Variants in TMEM267 observed in about 807,000 individuals in gnomAD.
TMEM267 encodes the protein transmembrane protein C5orf28.
In TMEM267, 20 loss-of-function variants were observed where a neutral mutation model predicts 19.3. The observed-to-expected ratio is 1.04, with a 90% CI of 0.73 to 1.51. The LOEUF (loss-of-function observed/expected upper bound fraction) is 1.51. Ranked by LOEUF, TMEM267 falls within the 40% of genes most tolerant of loss-of-function variation. The pLI, the probability that TMEM267 is intolerant of heterozygous loss-of-function variation, is 0.00. For synonymous variants in TMEM267, 88 were observed against 90.3 expected (o/e 0.97, Z 0.15); for missense variants, 242 against 261.9 (o/e 0.92, Z 0.52).
chr5:43,458,618 A>G (rs1743086489), intron 1 of TMEM267, among the ~76,000 whole-genome samples: 1 of 152,240 alleles, frequency 6.6e-6, no homozygotes, highest in South Asian at 2.1e-4. Flanking sequence ...ACAGTTTCAT[A>G]CATATGTCAA....
Position 43,453,769 on chromosome 5 carries a change from T to C in TMEM267, c.201A>G (p.Val67=), listed in dbSNP as rs1279593714. 2.5e-6 allele frequency: 4 copies of C among 1,614,108 alleles called. No individual in the cohort carries two copies. Among genetic ancestry groups the C allele is most frequent in the African/African-American group, 2.7e-5 (2 of 75,068 alleles). The change falls in exon 2 of 3, where the codon GTA becomes GTG. Residue 67 remains valine, a synonymous_variant. Coordinates refer to ENST00000397080, the MANE Select transcript of TMEM267 (RefSeq NM_022483.5). ...HCVIGMWSWA[V]VTGIKKKTDF... ...CAGTCTTCTTCTTGATTCCAGTGAC[T>C]ACCGCCCATGACCACATGCCAATTA...
intron 1 of TMEM267, among the ~76,000 whole-genome samples, chr5:43,465,001 C>T (rs1743552312): frequency 6.6e-6 from 1 of 152,122 alleles, no homozygotes; most frequent in Non-Finnish European, 1.5e-5. Flanking sequence ...AAAGAAACTA[C>T]CATCAGAGTG....
chr5:43,462,384 C>T (rs1743322812), intron 1 of TMEM267, among the ~76,000 whole-genome samples: 1 of 152,132 alleles, frequency 6.6e-6, no homozygotes, highest in South Asian at 2.1e-4. Context: ...CACTGAAGAA[C>T]ATCTACTAGC....
At chr5:43,482,704 C>G (rs1218130504) in intron 1 of TMEM267, among the ~76,000 whole-genome samples, 1 of 152,204 alleles carries the variant, frequency 6.6e-6, no homozygotes, top group East Asian at 1.9e-4. Flanking sequence ...CTATGACTCG[C>G]AGAAGCCATT....
intron 1 of TMEM267, among the ~76,000 whole-genome samples, chr5:43,474,169 A>G (rs1744258758): frequency 6.6e-6 from 1 of 152,234 alleles, no homozygotes; most frequent in African/African-American, 2.4e-5. Flanking sequence ...ACCCAAGAAG[A>G]AAACCTAGGC....
chr5:43,483,546 G>A (rs558169363), intron 1 of TMEM267, among the ~76,000 whole-genome samples: 1 of 152,278 alleles, frequency 6.6e-6, no homozygotes, highest in African/African-American at 2.4e-5. Flanking sequence ...TGGGGTTCTA[G>A]GGATCTAGAA....
intron 1 of TMEM267, among the ~76,000 whole-genome samples, chr5:43,459,085 G>T (rs1414127126): frequency 6.6e-6 from 1 of 152,020 alleles, no homozygotes; most frequent in African/African-American, 2.4e-5. Context: ...AACATTTACA[G>T]AACTCTGAGA....
chr5:43,454,886 A>AAT (rs1237363377), intron 1 of TMEM267, among the ~76,000 whole-genome samples: 1 of 152,214 alleles, frequency 6.6e-6, no homozygotes, highest in Non-Finnish European at 1.5e-5. Context: ...CTAGCTAGAA[A>AAT]ATATTTGTCT....
In TMEM267 at chr5:43,453,897, C is replaced by G; in HGVS notation, c.73G>C (p.Gly25Arg). The change falls in exon 2 of 3, where the codon GGT (glycine) becomes CGT (arginine). Residue 25 changes from glycine (G) to arginine (R), a missense_variant. Gly to Arg is a moderately radical substitution (Grantham distance 125, BLOSUM62 -2). Transcript: ENST00000397080. The stretch of plus-strand genomic sequence containing the variant: ...GCTACGAGGCAAAATGCCCCCAGAC[C>G]AAGGCTGGAAATAAGAGATTCAGTG... ...CSTESLISSL[G>R]LGAFCLVADR... 6.2e-7 allele frequency: 1 copy of G among 1,614,032 alleles called. No individual in the cohort carries two copies. Among genetic ancestry groups the G allele is most frequent in the Non-Finnish European group, 8.5e-7 (1 of 1,179,984 alleles).
chr5:43,478,024 T>C (rs1264414569), intron 1 of TMEM267, among the ~76,000 whole-genome samples: 1 of 152,218 alleles, frequency 6.6e-6, no homozygotes, highest in Admixed American at 6.5e-5. Context: ...GACACCATCA[T>C]AAGTAAAGGA....
chr5:43,455,136 A>G (rs1561187301), intron 1 of TMEM267, among the ~76,000 whole-genome samples: 1 of 152,192 alleles, frequency 6.6e-6, no homozygotes, highest in Non-Finnish European at 1.5e-5. Flanking sequence ...TTATAAAGCT[A>G]CAGTAGGCTG....
chr5:43,451,135 G>A (rs1252076796), intron 2 of TMEM267, among the ~76,000 whole-genome samples: 15 of 152,028 alleles, frequency 9.9e-5, no homozygotes, highest in Admixed American at 9.2e-4. Flanking sequence ...CCCATTTACT[G>A]TTAATATTTA....
At chr5:43,467,171 A>G (rs1256396422) in intron 1 of TMEM267, among the ~76,000 whole-genome samples, 2 of 150,340 alleles carry the variant, frequency 1.3e-5, no homozygotes, top group Non-Finnish European at 1.5e-5. Context: ...AAAAAAAAGA[A>G]GGAAGAAAAG....
intron 1 of TMEM267, among the ~76,000 whole-genome samples, chr5:43,467,899 T>A (rs1007451318): frequency 2.0e-5 from 3 of 152,088 alleles, no homozygotes; most frequent in African/African-American, 7.2e-5. Context: ...CTGGAAGCCC[T>A]CAGTTGGGGG....
chr5:43,478,873 G>A (rs1454203778), intron 1 of TMEM267, among the ~76,000 whole-genome samples: 1 of 152,074 alleles, frequency 6.6e-6, no homozygotes, highest in East Asian at 1.9e-4. Context: ...GTAGGAGTAG[G>A]GAAATAATGA....
At chr5:43,448,782 C>T (rs1029832043) in intron 2 of TMEM267, among the ~76,000 whole-genome samples, 1 of 148,770 alleles carries the variant, frequency 6.7e-6, no homozygotes, top group Non-Finnish European at 1.5e-5. Context: ...GTCTAAAAAA[C>T]AACCCCCCCC....
At chr5:43,470,307 C>T (rs10473314) in intron 1 of TMEM267, among the ~76,000 whole-genome samples, 1,892 of 152,144 alleles carry the variant, frequency 0.012, 39 homozygotes, top group African/African-American at 0.039. Flanking sequence ...CATACCCAAA[C>T]AATTTTTGTA....
At chr5:43,451,505 A>G (rs942456935) in intron 2 of TMEM267, among the ~76,000 whole-genome samples, 4 of 152,164 alleles carry the variant, frequency 2.6e-5, no homozygotes, top group African/African-American at 9.7e-5. Flanking sequence ...AAAATGCTCC[A>G]TATCACTAAT....
At chr5:43,478,008 G>T (rs1744529840) in intron 1 of TMEM267, among the ~76,000 whole-genome samples, 1 of 152,142 alleles carries the variant, frequency 6.6e-6, no homozygotes, top group African/African-American at 2.4e-5. Flanking sequence ...GGTTTATCAG[G>T]ACATGGACAC....
Sources: allele counts gnomAD v4.1 joint callset (sites outside exome capture counted in the v4.1 genomes callset), GRCh38; gene constraint gnomAD v4.1.1; transcripts MANE v1.5; gene names NCBI Gene and HGNC (gene_info 2026-07-23, HGNC 2026-07-21).